KCNMA1: variants seen among roughly 807,000 people sequenced by gnomAD.
KCNMA1 encodes Calcium-activated potassium channel subunit alpha-1.
A neutral mutation model predicts 140.0 loss-of-function variants in KCNMA1; 29 were observed. The ratio of observed to expected loss-of-function variants is 0.21; its 90% CI spans 0.15 to 0.28. KCNMA1 has a LOEUF of 0.28. Ranked by LOEUF, KCNMA1 falls within the 10% of genes least tolerant of loss-of-function variation. The probability of loss-of-function intolerance (pLI) is 1.00; values close to 1 mark genes in which losing one functional copy is unlikely to be tolerated. For synonymous variants in KCNMA1, 612 were observed against 611.9 expected (o/e 1.00, Z 0.00); for missense variants, 880 against 1,602.2 (o/e 0.55, Z 7.70).
chr10:77,392,140 A>AAGGG (rs1190958041), intron 2 of KCNMA1, among the ~76,000 whole-genome samples: 2 of 131,006 alleles, frequency 1.5e-5, no homozygotes, highest in Non-Finnish European at 1.6e-5. Flanking sequence ...GCGAGGAAGG[A>AAGGG]AGGGAGGGAG....
chr10:77,495,453 AC>A (rs1423281485), intron 1 of KCNMA1, among the ~76,000 whole-genome samples: 1 of 152,234 alleles, frequency 6.6e-6, no homozygotes, highest in African/African-American at 2.4e-5. Context: ...GTGGCAGTCA[AC>A]CACCCAGAGG....
At position 77,573,631 on chromosome 10, in the gene KCNMA1, TGG is replaced by T. The variant is rs1232036779; in HGVS notation, c.378+63632_378+63633del. Among the ~76,000 whole-genome samples the T allele has an allele frequency of 2.2e-3, 190 of 86,388 alleles. 2 individuals carry two copies. The highest frequency in any genetic ancestry group is 6.4e-3 in the Middle Eastern group (1 of 156). The allele number at this position is 86,388 out of a possible 152,430, so 56.7% of individuals were successfully genotyped here. A position where few individuals can be genotyped will look rare whatever the true frequency, so the allele number is the denominator to read the frequency against. On this transcript the variant is annotated intron_variant, in intron 1 of 27. Coordinates refer to ENST00000286628, the MANE Select transcript of KCNMA1 (RefSeq NM_001161352.2). ...GAAAATGGAATGGAATGGAATGGAATGGAATGGAATGGAATAGAATAGAATAG... is the reference window on the plus strand; with the variant it reads ...GAAAATGGAATGGAATGGAATGGAATAATGGAATGGAATAGAATAGAATAG...
intron 23 of KCNMA1, among the ~76,000 whole-genome samples, chr10:76,921,918 C>T (rs573065607): frequency 3.9e-5 from 6 of 152,268 alleles, no homozygotes; most frequent in African/African-American, 1.4e-4. Flanking sequence ...GGCCAGGCAG[C>T]TGACCATGTT....
At chr10:77,384,712 A>C (rs2154433569) in intron 2 of KCNMA1, among the ~76,000 whole-genome samples, 1 of 152,342 alleles carries the variant, frequency 6.6e-6, no homozygotes, top group South Asian at 2.1e-4. Flanking sequence ...TGAATGCTCG[A>C]CTGGACAAAT....
At chr10:77,277,583 ACCT>A (rs1344076175) in intron 2 of KCNMA1, among the ~76,000 whole-genome samples, 4 of 151,972 alleles carry the variant, frequency 2.6e-5, no homozygotes, top group Non-Finnish European at 5.9e-5. Context: ...GACATGAATG[ACCT>A]CCTCACTGAA....
At chr10:77,532,960 T>C (rs572193895) in intron 1 of KCNMA1, among the ~76,000 whole-genome samples, 2 of 152,298 alleles carry the variant, frequency 1.3e-5, no homozygotes, top group East Asian at 3.9e-4. Context: ...CTGAAATCAC[T>C]CTCTTCCTTA....
chr10:76,924,319 C>T (rs2056999285), intron 23 of KCNMA1, among the ~76,000 whole-genome samples: 8 of 152,144 alleles, frequency 5.3e-5, no homozygotes, highest in Admixed American at 5.2e-4. Flanking sequence ...AGGTAACATA[C>T]TGACATGTAT....
intron 13 of KCNMA1, among the ~76,000 whole-genome samples, chr10:77,074,603 C>T (rs80231825): frequency 0.016 from 2,394 of 152,222 alleles, 70 homozygotes; most frequent in African/African-American, 0.054. Flanking sequence ...GTTCTAGAAG[C>T]CAGAATTAAG....
At chr10:77,230,164 T>TA (rs2053097689) in intron 3 of KCNMA1, among the ~76,000 whole-genome samples, 1 of 152,208 alleles carries the variant, frequency 6.6e-6, no homozygotes, top group Non-Finnish European at 1.5e-5. Flanking sequence ...CTTGAAAGCA[T>TA]TATGTCAATG....
intron 23 of KCNMA1, among the ~76,000 whole-genome samples, chr10:76,929,732 G>GTA (rs1391683520): frequency 6.6e-6 from 1 of 152,176 alleles, no homozygotes; most frequent in East Asian, 1.9e-4. Context: ...TTGCTCTGGA[G>GTA]TATGGCCTGA....
At chr10:76,993,179 G>T (rs1438015088) in intron 19 of KCNMA1, among the ~76,000 whole-genome samples, 1 of 152,196 alleles carries the variant, frequency 6.6e-6, no homozygotes, top group Non-Finnish European at 1.5e-5. Context: ...GGTGAGAGCT[G>T]CCTGCCTGTC....
downstream of KCNMA1, chr10:76,873,693 C>T (rs950159102): frequency 3.9e-5 from 6 of 152,140 alleles, no homozygotes; most frequent in African/African-American, 1.2e-4. Context: ...GGAGTCAAGC[C>T]GGCTCACATC....
intron 1 of KCNMA1, among the ~76,000 whole-genome samples, chr10:77,486,391 T>G (rs2098460906): frequency 6.6e-6 from 1 of 152,198 alleles, no homozygotes; most frequent in African/African-American, 2.4e-5. Flanking sequence ...TTACTCAAAC[T>G]GCATAGCTGA....
intron 5 of KCNMA1, among the ~76,000 whole-genome samples, chr10:77,145,547 T>C (rs2098273533): frequency 1.3e-5 from 2 of 152,208 alleles, no homozygotes; most frequent in Non-Finnish European, 2.9e-5. Context: ...TCTGAAGTCA[T>C]AGATCTTCAT....
chr10:77,447,002 G>C (rs2097541227), intron 1 of KCNMA1, among the ~76,000 whole-genome samples: 1 of 152,226 alleles, frequency 6.6e-6, no homozygotes, highest in African/African-American at 2.4e-5. Flanking sequence ...TGCATGCCAT[G>C]GAGATGTGCT....
chr10:77,029,883 G>T (rs766094573), intron 15 of KCNMA1, among the ~76,000 whole-genome samples: 1 of 152,172 alleles, frequency 6.6e-6, no homozygotes, highest in African/African-American at 2.4e-5. Flanking sequence ...AGGAAATGAG[G>T]GGGGAGCAAG....
intron 20 of KCNMA1, among the ~76,000 whole-genome samples, chr10:76,963,268 C>T (rs914389290): frequency 6.6e-6 from 1 of 152,170 alleles, no homozygotes; most frequent in Non-Finnish European, 1.5e-5. Flanking sequence ...CCAGACCAGC[C>T]GCATCAGCAT....
At chr10:77,492,018 C>G (rs529461785) in intron 1 of KCNMA1, among the ~76,000 whole-genome samples, 1 of 152,242 alleles carries the variant, frequency 6.6e-6, no homozygotes, top group Admixed American at 6.5e-5. Context: ...TACGCCCTGC[C>G]GGTCCCGCCT....
intron 19 of KCNMA1, among the ~76,000 whole-genome samples, chr10:76,982,296 A>G (rs2079754513): frequency 1.3e-5 from 2 of 151,824 alleles, no homozygotes; most frequent in Admixed American, 1.3e-4. Context: ...GTCTTAGACA[A>G]TAAGTTAAGT....
Sources: gnomAD v4.1 joint callset for allele counts (sites outside exome capture counted in the v4.1 genomes callset) on GRCh38, gnomAD v4.1.1 for gene constraint, MANE v1.5 for transcripts, NCBI Gene and HGNC (gene_info 2026-07-23, HGNC 2026-07-21) for gene names.